NAT16: variants seen among roughly 807,000 people sequenced by gnomAD.
NAT16 encodes N-acetyltransferase 16 (putative).
A neutral mutation model predicts 15.9 loss-of-function variants in NAT16; 16 were observed. That is an observed-to-expected ratio of 1.01 (90% confidence interval 0.68 to 1.53). The LOEUF (loss-of-function observed/expected upper bound fraction) is 1.53, where lower values mean the gene tolerates loss of function less well. Among genes scored for constraint, NAT16 ranks in the 40% most tolerant of loss-of-function variants. The pLI is 0.00. For missense variants in NAT16, 572 were observed against 508.4 expected, an observed-to-expected ratio of 1.13 and a Z score of -1.20; for synonymous variants, 260 against 241.9, an observed-to-expected ratio of 1.07 and a Z score of -0.69.
chr7:101,172,164 T>C lies in NAT16; in HGVS notation c.1025A>G (p.Gln342Arg), dbSNP rs767720651. The change falls in exon 4 of 4, where the codon CAG becomes CGG. Residue 342 changes from glutamine to arginine, a missense_variant. By Grantham distance (43) the Gln-to-Arg change is conservative. Coordinates refer to ENST00000300303, the MANE Select transcript of NAT16 (RefSeq NM_198571.3). The surrounding 1 kb of genome is among the most constrained non-coding windows in gnomAD (Gnocchi z 4.2). ...CCCGACCTGGCAGAAGTCAGCCAGCTGTGACCACAGCTGGGGCTCCAGGAA... is the reference window on the plus strand; with the variant it reads ...CCCGACCTGGCAGAAGTCAGCCAGCCGTGACCACAGCTGGGGCTCCAGGAA... Reference protein sequence around the residue: ...QLFLEPQLWSQLADFCQVGLG... With the variant: ...QLFLEPQLWSRLADFCQVGLG... The C allele has an allele frequency of 8.7e-6, 14 of 1,614,058 alleles. No homozygotes were observed. The highest frequency in any genetic ancestry group is 1.2e-5 in the Non-Finnish European group (14 of 1,179,968).
rs1212398263 is a variant in NAT16, at chr7:101,174,599, G to A, written c.209C>T (p.Ser70Leu). The A allele has an allele frequency of 6.2e-7, 1 of 1,614,180 alleles. No individual in the cohort carries two copies. The highest frequency in any genetic ancestry group is 1.1e-5 in the South Asian group (1 of 91,088). The part of the protein sequence containing the change: ...EREFEEVLAI[S>L]GGIYGGLDYL... The stretch of plus-strand genomic sequence containing the variant: ...GTCCAGGCCGCCGTAGATGCCCCCC[G>A]AGATGGCCAGCACTTCCTCAAACTC... Residue 70 changes from serine to leucine, a missense_variant, in exon 2 of 4, where the codon TCG (serine) becomes TTG (leucine). Coordinates refer to ENST00000300303, the MANE Select transcript of NAT16 (RefSeq NM_198571.3).
At chr7:101,177,659 G>A (rs1259966487) in intron 1 of NAT16, among the ~76,000 whole-genome samples, 1 of 152,144 alleles carries the variant, frequency 6.6e-6, no homozygotes, top group Non-Finnish European at 1.5e-5. Context: ...GCCAAGATCT[G>A]TTTTTAGTGT....
In NAT16 at chr7:101,172,216, C is replaced by G; in HGVS notation, c.973G>C (p.Val325Leu). The G allele has an allele frequency of 6.2e-7, 1 of 1,613,694 alleles. No homozygotes were observed. Among genetic ancestry groups the G allele is most frequent in the East Asian group, 2.2e-5 (1 of 44,858 alleles). The change falls in exon 4 of 4, where the codon GTT becomes CTT. Residue 325 changes from valine to leucine, a missense_variant. Physicochemically the swap from Val to Leu is conservative, Grantham distance 32. Coordinates refer to ENST00000300303, the MANE Select transcript of NAT16 (RefSeq NM_198571.3). This position sits in a 1 kb window ranked among gnomAD's most constrained non-coding sequence, Gnocchi z 4.2. ...WHLQRQAPRL[V>L]GLNVMCQLFL... ...AGCTGGCACATGACGTTGAGGCCAA[C>G]GAGGCGCGGGGCCTGGCGCTGCAGG...
rs1797321803 is a variant in NAT16 at position 101,171,577 on chromosome 7, T to A, written c.*502A>T. The stretch of plus-strand genomic sequence containing the variant: ...GGTGTGGAGGGCAATGCAGGACCAG[T>A]TTTTAGGGCTTTAGAAAGGGCAGAA... On this transcript the variant is annotated 3_prime_UTR_variant, in exon 4 of 4. Transcript: ENST00000300303. The A allele has an allele frequency of 6.5e-6, 1 of 154,868 alleles. No homozygotes were observed. Among genetic ancestry groups the A allele is most frequent in the Non-Finnish European group, 1.4e-5 (1 of 70,104 alleles). 9.6% of individuals were successfully genotyped at this position (154,868 alleles called of 1,614,324 possible).
intron 2 of NAT16, 153 bp downstream of exon 2, chr7:101,174,343 A>C (rs1368756820): frequency 9.8e-7 from 1 of 1,019,074 alleles, no homozygotes; most frequent in Non-Finnish European, 1.4e-6. Context: ...CTGGATCCGC[A>C]CTGCACGCCC....
In NAT16 at chr7:101,170,973, A is replaced by T. The variant is rs1277008711; in HGVS notation, c.*1106T>A. ...ACAGCGCTGTGCAGATGCAGCTGTT[A>T]CTACTTGCAATTAAATAGAAGACTC... On this transcript the variant is annotated 3_prime_UTR_variant, in exon 4 of 4. Transcript: ENST00000300303. The T allele has an allele frequency of 6.6e-6, 1 of 152,200 alleles. No individual in the cohort carries two copies. The highest frequency in any genetic ancestry group is 2.4e-5 in the African/African-American group (1 of 41,422). The allele number at this position is 152,200 out of a possible 1,614,324, so 9.4% of individuals were successfully genotyped here.
In NAT16 at chr7:101,172,702, G is replaced by C. The variant is rs1201961131; in HGVS notation, c.538-51C>G. Reference sequence around the variant, plus strand: ...GGAGGGGGGGCGCAGCAGGGCTGGCGAGCCCGGCGCCTCTCGGCAGGCATC... The same window carrying C: ...GGAGGGGGGGCGCAGCAGGGCTGGCCAGCCCGGCGCCTCTCGGCAGGCATC... On this transcript the variant is annotated intron_variant, in intron 3 of 3. Transcript: ENST00000300303. The surrounding 1 kb of genome is among the most constrained non-coding windows in gnomAD (Gnocchi z 4.2). 27 of 1,366,548 alleles carry C rather than the reference G, an allele frequency of 2.0e-5. No individual in the cohort carries two copies. The highest frequency in any genetic ancestry group is 2.5e-5 in the Non-Finnish European group (26 of 1,048,612). The allele number at this position is 1,366,548 out of a possible 1,614,324, so 84.7% of individuals were successfully genotyped here.
chr7:101,176,191 C>T (rs996206033), intron 1 of NAT16, among the ~76,000 whole-genome samples: 4 of 152,144 alleles, frequency 2.6e-5, no homozygotes, highest in African/African-American at 9.7e-5. Context: ...TTGACATACA[C>T]ATTCAAATAT....
Position 101,174,564 on chromosome 7 carries a change from T to G in NAT16, c.244A>C (p.Ser82Arg). The G allele has an allele frequency of 6.2e-7, 1 of 1,613,694 alleles. No individual in the cohort carries two copies. The highest frequency in any genetic ancestry group is 8.5e-7 in the Non-Finnish European group (1 of 1,179,870). ...TCCCGGAGCCAGCTGTGGTAGCGGCTAGGAAGGTAGTCCAGGCCGCCGTAG... is the reference window on the plus strand; with the variant it reads ...TCCCGGAGCCAGCTGTGGTAGCGGCGAGGAAGGTAGTCCAGGCCGCCGTAG... ...GIYGGLDYLP[S>R]RYHSWLRDPD... The change falls in exon 2 of 4, where the codon AGC becomes CGC. Residue 82 changes from serine (S) to arginine (R), a missense_variant. Ser to Arg is a moderately radical substitution (Grantham distance 110). Transcript: ENST00000300303.
At chr7:101,174,376 C>T in intron 2 of NAT16, 120 bp downstream of exon 2, 1 of 1,335,408 alleles carries the variant, frequency 7.5e-7, no homozygotes, top group Non-Finnish European at 9.9e-7. Flanking sequence ...CCAAAGCAGG[C>T]TCTATTTCCG....
At chr7:101,175,921 C>CAA (rs34778981) in intron 1 of NAT16, among the ~76,000 whole-genome samples, 11,449 of 144,502 alleles carry the variant, frequency 0.079, 490 homozygotes, top group South Asian at 0.18. Flanking sequence ...GAACCTGTGT[C>CAA]AAAAAAAAAA....
intron 2 of NAT16, 48 bp downstream of exon 2, chr7:101,174,448 C>T (rs780360616): frequency 2.7e-5 from 42 of 1,531,290 alleles, no homozygotes; most frequent in Non-Finnish European, 3.4e-5. Flanking sequence ...TCCACGCACC[C>T]GCAGGTGGCT....
At chr7:101,173,188 G>T (rs1797375413) in intron 3 of NAT16, 108 bp downstream of exon 3, 4 of 1,034,164 alleles carry the variant, frequency 3.9e-6, no homozygotes, top group South Asian at 2.7e-5. Context: ...CGCGCCACTC[G>T]GTAAAGCCCA....
chr7:101,172,065 C>T lies in NAT16; in HGVS notation c.*14G>A, dbSNP rs1481897829. ...GGGCGGGTCTTTTTCCCCCTCCCCG[C>T]CAGAGGAGAGGCCTCAGATGTCGGC... On this transcript the variant is annotated 3_prime_UTR_variant, in exon 4 of 4. Coordinates refer to ENST00000300303, the MANE Select transcript of NAT16 (RefSeq NM_198571.3). The surrounding 1 kb of genome is among the most constrained non-coding windows in gnomAD (Gnocchi z 4.2). 1.9e-6 allele frequency: 3 copies of T among 1,583,486 alleles called. No individual in the cohort carries two copies. The African/African-American group carries it at 4.1e-5, about 21-fold the overall frequency.
At position 101,172,173 on chromosome 7, in the gene NAT16, AGCTGGG is replaced by A; in HGVS notation, c.1010_1015del (p.Pro337_Gln338del). 1.9e-6 allele frequency: 3 copies of A among 1,614,050 alleles called. No individual in the cohort carries two copies. Among genetic ancestry groups the A allele is most frequent in the Non-Finnish European group, 2.5e-6 (3 of 1,179,998 alleles). On this transcript the variant is annotated inframe_deletion, in exon 4 of 4. Transcript: ENST00000300303. This position sits in a 1 kb window ranked among gnomAD's most constrained non-coding sequence, Gnocchi z 4.2. ...GCAGAAGTCAGCCAGCTGTGACCAC[AGCTGGG>A]GCTCCAGGAAGAGCTGGCACATGAC...
intron 1 of NAT16, among the ~76,000 whole-genome samples, chr7:101,178,055 A>G (rs999314010): frequency 6.6e-6 from 1 of 152,172 alleles, no homozygotes; most frequent in Non-Finnish European, 1.5e-5. Flanking sequence ...GTTGTGAGCA[A>G]CCGGTAGACT....
At chr7:101,178,647 C>T (rs979568204) in intron 1 of NAT16, among the ~76,000 whole-genome samples, 64 of 134,718 alleles carry the variant, frequency 4.8e-4, no homozygotes, top group Admixed American at 3.0e-3. Flanking sequence ...CCAAGGGAGG[C>T]GGATCATCTG....
intron 1 of NAT16, among the ~76,000 whole-genome samples, chr7:101,179,569 CG>C (rs1415387672): frequency 8.8e-6 from 1 of 113,000 alleles, no homozygotes; most frequent in Non-Finnish European, 1.8e-5. Flanking sequence ...GAAGTGGGGG[CG>C]GGAGAGAAGG....
chr7:101,173,052 G>T (rs1797371929), intron 3 of NAT16, among the ~76,000 whole-genome samples: 1 of 152,136 alleles, frequency 6.6e-6, no homozygotes, highest in African/African-American at 2.4e-5. Flanking sequence ...CAGGATCCTA[G>T]GGGAGGCAGG....
Sources: gnomAD v4.1 joint callset for allele counts (sites outside exome capture counted in the v4.1 genomes callset) on GRCh38, gnomAD v4.1.1 for gene constraint, Gnocchi (gnomAD v3.1) non-coding constraint, MANE v1.5 for transcripts, NCBI Gene and HGNC (gene_info 2026-07-23, HGNC 2026-07-21) for gene names.